The following GLUD1 variants were observed in gnomAD, a reference collection of about 807,000 sequenced individuals.
GLUD1 encodes glutamate dehydrogenase 1.
In GLUD1, 22 loss-of-function variants were observed where a neutral mutation model predicts 56.0. The ratio of observed to expected loss-of-function variants is 0.39; its 90% CI spans 0.28 to 0.56. The LOEUF is 0.56. GLUD1 is among the 20% of genes least tolerant of loss of function. The probability of loss-of-function intolerance (pLI) is 0.58; values close to 1 mark genes in which losing one functional copy is unlikely to be tolerated. For synonymous variants in GLUD1, 223 were observed against 269.9 expected, an observed-to-expected ratio of 0.83 and a Z score of 1.70; for missense variants, 451 against 732.0, an observed-to-expected ratio of 0.62 and a Z score of 4.43.
At chr10:87,070,022 TG>T (rs1439935022) in intron 4 of GLUD1, among the ~76,000 whole-genome samples, 1 of 152,258 alleles carries the variant, frequency 6.6e-6, no homozygotes, top group Admixed American at 6.5e-5. Flanking sequence ...ATACCTCTGC[TG>T]GAGGTCAGCA....
intron 6 of GLUD1, 67 bp from the exon 7 acceptor site, chr10:87,061,119 T>C: frequency 7.1e-7 from 1 of 1,415,492 alleles, no homozygotes; most frequent in Admixed American, 1.7e-5. Flanking sequence ...AGTCATATTT[T>C]GACCAATGTA....
chr10:87,059,142 A>G lies in GLUD1; in HGVS notation c.1402+8T>C, dbSNP rs371156720. On this transcript the variant is annotated splice_region_variant and intron_variant, in intron 10 of 12. Transcript: ENST00000277865. Reference sequence around the variant, plus strand: ...TGAGTTTTGGCGAACAAGATTATCGATACTCACTGAGCAAGTGGTAGTTAG... The same window carrying G: ...TGAGTTTTGGCGAACAAGATTATCGGTACTCACTGAGCAAGTGGTAGTTAG... 95 of 1,612,376 alleles carry G rather than the reference A, an allele frequency of 5.9e-5. No individual in the cohort carries two copies. The highest frequency in any genetic ancestry group is 7.5e-5 in the Non-Finnish European group (88 of 1,179,994).
rs1267821216 is a variant in GLUD1 at position 87,051,381 on chromosome 10, T to C, written c.*370A>G. Reference sequence around the variant, plus strand: ...GTTAAAGTTACAGTGTGTCCCAGACTCATCCAGAAAAAATAAGCAAGCAAC... The same window carrying C: ...GTTAAAGTTACAGTGTGTCCCAGACCCATCCAGAAAAAATAAGCAAGCAAC... On this transcript the variant is annotated 3_prime_UTR_variant, in exon 13 of 13. Coordinates refer to ENST00000277865, the MANE Select transcript of GLUD1 (RefSeq NM_005271.5). 2 of 369,338 alleles carry C rather than the reference T, an allele frequency of 5.4e-6. No homozygotes were observed. Among genetic ancestry groups the C allele is most frequent in the Non-Finnish European group, 1.1e-5 (2 of 183,326 alleles). 22.9% of individuals were successfully genotyped at this position (369,338 alleles called of 1,614,324 possible).
intron 5 of GLUD1, among the ~76,000 whole-genome samples, chr10:87,064,085 T>C (rs1846008904): frequency 6.6e-6 from 1 of 151,806 alleles, no homozygotes. Flanking sequence ...TTTAGTAGAG[T>C]AGAGTATTTT....
intron 11 of GLUD1, among the ~76,000 whole-genome samples, chr10:87,057,416 T>A (rs1361358673): frequency 6.6e-6 from 1 of 152,210 alleles, no homozygotes; most frequent in Non-Finnish European, 1.5e-5. Flanking sequence ...CTCTGAAGCT[T>A]AAAATAATTA....
intron 1 of GLUD1, among the ~76,000 whole-genome samples, chr10:87,085,222 T>C (rs191402897): frequency 3.6e-4 from 55 of 152,164 alleles, no homozygotes; most frequent in Admixed American, 1.8e-3. Context: ...GGTGCACACC[T>C]GTAATCCCAG....
intron 1 of GLUD1, chr10:87,091,749 C>T (rs1841514499): frequency 6.0e-6 from 1 of 167,630 alleles, no homozygotes. Context: ...TGTTGCTTTG[C>T]TTCAACCTCA....
intron 2 of GLUD1, 71 bp from the exon 3 acceptor site, chr10:87,076,094 CAAT>C: frequency 2.9e-6 from 3 of 1,035,884 alleles, no homozygotes; most frequent in Non-Finnish European, 4.5e-6. Context: ...AAGCACCACA[CAAT>C]ATTAGAGAAA....
chr10:87,085,502 G>C (rs1841361032), intron 1 of GLUD1, among the ~76,000 whole-genome samples: 1 of 152,040 alleles, frequency 6.6e-6, no homozygotes, highest in Non-Finnish European at 1.5e-5. Context: ...AGGTAACTAA[G>C]CTTTCTGGGA....
rs373124424 is a variant in GLUD1 at position 87,062,845 on chromosome 10, G to A, written c.742-10C>T. The A allele has an allele frequency of 3.1e-6, 5 of 1,612,338 alleles. No individual in the cohort carries two copies. Among genetic ancestry groups the A allele is most frequent in the Non-Finnish European group, 4.2e-6 (5 of 1,178,480 alleles). ...CGTGTGCATTAATATCCTGTAAGAG[G>A]GGGTAATTGAAAGAATGAAATGTCA... On this transcript the variant is annotated splice_polypyrimidine_tract_variant and intron_variant, in intron 5 of 12. Transcript: ENST00000277865.
At chr10:87,061,255 C>CTCA in intron 6 of GLUD1, 1 of 687,160 alleles carries the variant, frequency 1.5e-6, no homozygotes, top group Non-Finnish European at 2.6e-6. Context: ...GGCATGGTGG[C>CTCA]TCACGCTTGT....
chr10:87,061,184 A>G (rs780211069), intron 6 of GLUD1, 132 bp from the exon 7 acceptor site: 1 of 881,558 alleles, frequency 1.1e-6, no homozygotes, highest in Non-Finnish European at 1.9e-6. Context: ...GCCAAAAGAA[A>G]CAATGTACTA....
chr10:87,055,263 G>C (rs1408979881), intron 11 of GLUD1, among the ~76,000 whole-genome samples: 2 of 152,090 alleles, frequency 1.3e-5, no homozygotes, highest in African/African-American at 4.8e-5. Context: ...CAAGACTGGG[G>C]AGTGACTGTA....
At chr10:87,061,572 G>C (rs1845931885) in intron 6 of GLUD1, among the ~76,000 whole-genome samples, 1 of 152,054 alleles carries the variant, frequency 6.6e-6, no homozygotes, top group Non-Finnish European at 1.5e-5. Context: ...TTGATGATCA[G>C]ATGTCCTATG....
rs10655872 is a variant in GLUD1 at position 87,085,348 on chromosome 10, C to CAAAA, written c.446-8696_446-8693dup. Among the ~76,000 whole-genome samples, 9 of 112,590 alleles carry CAAAA rather than the reference C, an allele frequency of 8.0e-5. No individual in the cohort carries two copies. The South Asian group carries it at 8.9e-4, about 11-fold the overall frequency. 73.9% of individuals were successfully genotyped at this position (112,590 alleles called of 152,430 possible). On this transcript the variant is annotated intron_variant, in intron 1 of 12. Coordinates refer to ENST00000277865, the MANE Select transcript of GLUD1 (RefSeq NM_005271.5). ...GCGACAGAGAGTGAGACTCCGTCTC[C>CAAAA]AAAAAAAAAAAAAAAAACCAGAAAA... is the stretch of plus-strand genomic sequence containing the variant.
chr10:87,085,325 G>A (rs1235968697), intron 1 of GLUD1, among the ~76,000 whole-genome samples: 5 of 135,158 alleles, frequency 3.7e-5, no homozygotes, highest in African/African-American at 5.7e-5. Flanking sequence ...CAGCCTGGGC[G>A]ACAGAGAGTG....
chr10:87,057,814 G>T, intron 10 of GLUD1, 32 bp from the exon 11 acceptor site: 2 of 971,990 alleles, frequency 2.1e-6, no homozygotes, highest in Non-Finnish European at 3.2e-6. Flanking sequence ...TCAAGATATT[G>T]CTAACAGAAA....
At chr10:87,053,271 C>T (rs780101271) in intron 12 of GLUD1, 71 bp downstream of exon 12, 61 of 954,056 alleles carry the variant, frequency 6.4e-5, no homozygotes, top group East Asian at 1.4e-4. Context: ...TACAGTCTGG[C>T]GGCTGAGATA....
At chr10:87,057,642 A>G (rs1195789113) in intron 11 of GLUD1, 49 bp downstream of exon 11, 1 of 939,224 alleles carries the variant, frequency 1.1e-6, no homozygotes, top group South Asian at 1.3e-5. Context: ...GTCTGAAGGA[A>G]AGAGCAGGGA....
Sources: allele counts gnomAD v4.1 joint callset (sites outside exome capture counted in the v4.1 genomes callset), GRCh38; gene constraint gnomAD v4.1.1; transcripts MANE v1.5; gene names NCBI Gene and HGNC (gene_info 2026-07-23, HGNC 2026-07-21).